MACROD2: variants seen among roughly 807,000 people sequenced by gnomAD.
The protein encoded by MACROD2 is mono-ADP ribosylhydrolase 2.
In MACROD2, 36 loss-of-function variants were observed where a neutral mutation model predicts 70.4. The ratio of observed to expected loss-of-function variants is 0.51; its 90% CI spans 0.39 to 0.68. The LOEUF is 0.68. Among genes scored for constraint, MACROD2 ranks in the 30% least tolerant of loss-of-function variants. The pLI is 0.00. For missense variants in MACROD2, 496 were observed against 538.4 expected, an observed-to-expected ratio of 0.92 and a Z score of 0.78; for synonymous variants, 172 against 178.8, an observed-to-expected ratio of 0.96 and a Z score of 0.30.
intron 7 of MACROD2, among the ~76,000 whole-genome samples, chr20:15,435,546 C>A (rs1255877481): frequency 6.6e-6 from 1 of 152,160 alleles, no homozygotes; most frequent in Non-Finnish European, 1.5e-5. Context: ...CTGTCCTCCC[C>A]AGTGTTTGGT....
intron 9 of MACROD2, among the ~76,000 whole-genome samples, chr20:15,863,138 G>C (rs4814407): frequency 0.93 from 141,968 of 152,118 alleles, 66,734 homozygotes; most frequent in East Asian, 1. Context: ...ATTGCATGAT[G>C]TGTGATTCCT....
At chr20:15,939,612 C>T (rs2065720920) in intron 12 of MACROD2, among the ~76,000 whole-genome samples, 1 of 151,688 alleles carries the variant, frequency 6.6e-6, no homozygotes, top group Admixed American at 6.6e-5. Flanking sequence ...ATGTTGTTTT[C>T]ATGCCTGCTA....
At chr20:15,404,785 G>A (rs191829300) in intron 6 of MACROD2, among the ~76,000 whole-genome samples, 15 of 152,244 alleles carry the variant, frequency 9.9e-5, no homozygotes. Flanking sequence ...AACCCATTCA[G>A]TAGCATTGAC....
intron 4 of MACROD2, among the ~76,000 whole-genome samples, chr20:14,608,104 A>C (rs963958098): frequency 6.6e-6 from 1 of 151,936 alleles, no homozygotes; most frequent in Non-Finnish European, 1.5e-5. Context: ...AATACAAAAA[A>C]AATTAGCTGG....
intron 5 of MACROD2, among the ~76,000 whole-genome samples, chr20:14,813,067 G>GT (rs139199733): frequency 0.025 from 3,669 of 149,492 alleles, 141 homozygotes; most frequent in African/African-American, 0.077. Flanking sequence ...TTTAATTTTT[G>GT]TTTTTTTTTA....
At chr20:14,944,685 G>A (rs749170004) in intron 5 of MACROD2, among the ~76,000 whole-genome samples, 1 of 152,174 alleles carries the variant, frequency 6.6e-6, no homozygotes, top group Non-Finnish European at 1.5e-5. Flanking sequence ...CTGAATGTGT[G>A]GGCAGATGTG....
At chr20:14,494,304 A>G (rs761819930) in intron 4 of MACROD2, among the ~76,000 whole-genome samples, 10 of 151,952 alleles carry the variant, frequency 6.6e-5, no homozygotes, top group Non-Finnish European at 1.2e-4. Context: ...CTTTTTTCTT[A>G]CACACAGTTG....
At chr20:14,504,352 A>G (rs116915006) in intron 4 of MACROD2, among the ~76,000 whole-genome samples, 1 of 152,222 alleles carries the variant, frequency 6.6e-6, no homozygotes, top group Non-Finnish European at 1.5e-5. Flanking sequence ...CAGATGGAAG[A>G]TCAAAAGCTC....
At chr20:15,869,983 G>T (rs2064556892) in intron 9 of MACROD2, among the ~76,000 whole-genome samples, 1 of 151,966 alleles carries the variant, frequency 6.6e-6, no homozygotes, top group African/African-American at 2.4e-5. Flanking sequence ...TCATGATAAA[G>T]AAAATTCTAA....
intron 3 of MACROD2, among the ~76,000 whole-genome samples, chr20:14,476,288 T>G (rs981966412): frequency 6.6e-6 from 1 of 152,210 alleles, no homozygotes; most frequent in Non-Finnish European, 1.5e-5. Context: ...GCATGCTATC[T>G]AGTCTTGACT....
At position 15,345,889 on chromosome 20, in the gene MACROD2, T is replaced by C. The variant is rs909436229; in HGVS notation, c.541-85516T>C. ...GCATCCAGAAACCAGACTGTTCCTA[T>C]GTCAATGAGTAGGAGCACTTGCTTA... is the stretch of plus-strand genomic sequence containing the variant. On this transcript the variant is annotated intron_variant, in intron 6 of 17. Coordinates refer to ENST00000684519, the MANE Select transcript of MACROD2 (RefSeq NM_001351661.2). 7.2e-5 allele frequency among the ~76,000 whole-genome samples: 11 copies of C among 152,228 alleles called. No individual in the cohort carries two copies. In the East Asian group the frequency reaches 1.4e-3, roughly 19 times the overall value.
intron 3 of MACROD2, among the ~76,000 whole-genome samples, chr20:14,378,213 A>G (rs1296545193): frequency 6.6e-6 from 1 of 152,182 alleles, no homozygotes; most frequent in African/African-American, 2.4e-5. Context: ...CTTTGGGGAC[A>G]ATAATATGGG....
chr20:14,112,594 C>T (rs2054465808), intron 3 of MACROD2, among the ~76,000 whole-genome samples: 1 of 151,868 alleles, frequency 6.6e-6, no homozygotes, highest in Admixed American at 6.6e-5. Context: ...GTTACATATA[C>T]AGGTCAACTT....
At chr20:15,710,453 C>T (rs1300494010) in intron 8 of MACROD2, among the ~76,000 whole-genome samples, 1 of 152,064 alleles carries the variant, frequency 6.6e-6, no homozygotes, top group Non-Finnish European at 1.5e-5. Flanking sequence ...CAATAGAGTA[C>T]TAATTTAATC....
At chr20:14,145,269 A>C (rs571799549) in intron 3 of MACROD2, among the ~76,000 whole-genome samples, 5 of 152,092 alleles carry the variant, frequency 3.3e-5, no homozygotes, top group Non-Finnish European at 5.9e-5. Flanking sequence ...CTTTTTCTAC[A>C]TGTTCTAAAC....
chr20:14,237,779 T>C (rs1187019687), intron 3 of MACROD2, among the ~76,000 whole-genome samples: 3 of 147,584 alleles, frequency 2.0e-5, no homozygotes, highest in African/African-American at 7.5e-5. Context: ...CACCTATGAG[T>C]GAGAACGTGC....
intron 5 of MACROD2, chr20:14,895,335 G>C (rs2073814295): frequency 6.6e-6 from 1 of 152,186 alleles, no homozygotes; most frequent in African/African-American, 2.4e-5. Context: ...TGTAGTTCCA[G>C]ATTAAGGGTT....
At chr20:15,551,317 G>C (rs893406593) in intron 8 of MACROD2, among the ~76,000 whole-genome samples, 6 of 144,248 alleles carry the variant, frequency 4.2e-5, no homozygotes, top group African/African-American at 1.3e-4. Context: ...CTTACTATCT[G>C]TTATCTCTCA....
At position 15,759,004 on chromosome 20, in the gene MACROD2, C is replaced by T. The variant is rs538510430; in HGVS notation, c.646-103741C>T. On this transcript the variant is annotated intron_variant, in intron 8 of 17. Transcript: ENST00000684519. ...CTCTACTAAAAATACAAAAATTAGC[C>T]GGGCTTGCTGGCAGGGGCCTATAAT... 4.8e-3 allele frequency among the ~76,000 whole-genome samples: 724 copies of T among 152,044 alleles called. 8 individuals carry two copies. The highest frequency in any genetic ancestry group is 0.016 in the African/African-American group (672 of 41,504).
Sources: allele counts gnomAD v4.1 joint callset (sites outside exome capture counted in the v4.1 genomes callset), GRCh38; gene constraint gnomAD v4.1.1; transcripts MANE v1.5; gene names NCBI Gene and HGNC (gene_info 2026-07-23, HGNC 2026-07-21).